SEPTIN9: variants seen among roughly 807,000 people sequenced by gnomAD.
SEPTIN9 encodes the protein septin-9.
Under a neutral mutation model 56.6 loss-of-function variants are expected in SEPTIN9, and 13 were observed. That is an observed-to-expected ratio of 0.23 (90% CI 0.15 to 0.37). SEPTIN9 has a LOEUF of 0.37. SEPTIN9 is among the 10% of genes least tolerant of loss of function. SEPTIN9 has a pLI of 1.00. For missense variants in SEPTIN9, 650 were observed against 823.1 expected (o/e 0.79, Z 2.57); for synonymous variants, 332 against 334.1 (o/e 0.99, Z 0.07).
In SEPTIN9 at chr17:77,310,194, C is replaced by T. The variant is rs2032436324; in HGVS notation, c.76+2997C>T. Among the ~76,000 whole-genome samples the T allele has an allele frequency of 6.6e-6, 1 of 152,158 alleles. No individual in the cohort carries two copies. The highest frequency in any genetic ancestry group is 2.4e-5 in the African/African-American group (1 of 41,440). On this transcript the variant is annotated intron_variant, in intron 2 of 11. Transcript: ENST00000427177. The surrounding 1 kb of genome is among the most constrained non-coding windows in gnomAD (Gnocchi z 4.7). ...ACAGGGTTTCACCATGTTGGTCAGG[C>T]TGGTCTCATACCCCTGACCTCAGGT...
At chr17:77,474,073 T>C (rs1039625072) in intron 3 of SEPTIN9, among the ~76,000 whole-genome samples, 4 of 152,222 alleles carry the variant, frequency 2.6e-5, no homozygotes, top group African/African-American at 9.7e-5. Context: ...CTCCACCCAC[T>C]CACTCATACC....
chr17:77,386,660 T>C (rs1482221515), intron 2 of SEPTIN9, among the ~76,000 whole-genome samples: 1 of 152,200 alleles, frequency 6.6e-6, no homozygotes, highest in African/African-American at 2.4e-5. Context: ...GAGGGGCTAG[T>C]TGTCTGTCCA....
chr17:77,378,918 A>G (rs1233503397), intron 2 of SEPTIN9, among the ~76,000 whole-genome samples: 2 of 151,128 alleles, frequency 1.3e-5, no homozygotes, highest in African/African-American at 2.4e-5. Context: ...CAATGAGGTG[A>G]GCACTTGCTG....
Position 77,317,147 on chromosome 17 carries a change from A to C in SEPTIN9, c.76+9950A>C, listed in dbSNP as rs946124022. Among the ~76,000 whole-genome samples the C allele has an allele frequency of 6.6e-6, 1 of 152,192 alleles. No homozygotes were observed. Among genetic ancestry groups the C allele is most frequent in the African/African-American group, 2.4e-5 (1 of 41,444 alleles). ...CTGTGGCGCTGCATCAGTTTCCTGC[A>C]GCTGCTGTAACGAGTGGCCACAAGC... On this transcript the variant is annotated intron_variant, in intron 2 of 11. Coordinates refer to ENST00000427177, the MANE Select transcript of SEPTIN9 (RefSeq NM_001113491.2). The surrounding 1 kb of genome is among the most constrained non-coding windows in gnomAD (Gnocchi z 4.2).
At chr17:77,286,573 G>C (rs1479549626) in intron 1 of SEPTIN9, 1 of 152,252 alleles carries the variant, frequency 6.6e-6, no homozygotes, top group Non-Finnish European at 1.5e-5. Context: ...GAGGACCCAT[G>C]GAAGGGGACA....
At chr17:77,412,930 G>T (rs927121628) in intron 3 of SEPTIN9, among the ~76,000 whole-genome samples, 1 of 152,062 alleles carries the variant, frequency 6.6e-6, no homozygotes, top group Non-Finnish European at 1.5e-5. Context: ...TTATAGGAAA[G>T]AATTTCACCC....
intron 11 of SEPTIN9, among the ~76,000 whole-genome samples, chr17:77,498,027 G>T (rs1317525083): frequency 6.6e-6 from 1 of 152,076 alleles, no homozygotes; most frequent in South Asian, 2.1e-4. Flanking sequence ...AGCTGCAGAG[G>T]AATGAAAATC....
chr17:77,424,960 C>T (rs1015655647), intron 3 of SEPTIN9, among the ~76,000 whole-genome samples: 44 of 152,204 alleles, frequency 2.9e-4, no homozygotes, highest in Admixed American at 3.3e-4. Context: ...TGAGCTTCTC[C>T]TTGGCCAGTT....
rs1247604659 is a variant in SEPTIN9 at position 77,492,583 on chromosome 17, C to T, written c.1381-38C>T. 4 of 1,587,292 alleles carry T rather than the reference C, an allele frequency of 2.5e-6. No homozygotes were observed. In the Admixed American group the frequency reaches 5.0e-5, roughly 20 times the overall value. ...ACACCAGTGGGTGGGTAGAGCTTGC[C>T]ACAGGGATGGGCCCATCTCTCTCCC... On this transcript the variant is annotated intron_variant, in intron 8 of 11. Transcript: ENST00000427177. This position sits in a 1 kb window ranked among gnomAD's most constrained non-coding sequence, Gnocchi z 5.4.
At chr17:77,355,390 G>A (rs1456261074) in intron 2 of SEPTIN9, among the ~76,000 whole-genome samples, 1 of 152,222 alleles carries the variant, frequency 6.6e-6, no homozygotes, top group East Asian at 1.9e-4. Context: ...GAAGGGCTGT[G>A]CGTGTAGGAT....
intron 2 of SEPTIN9, among the ~76,000 whole-genome samples, chr17:77,309,807 G>A (rs2143607105): frequency 6.6e-6 from 1 of 152,310 alleles, no homozygotes; most frequent in African/African-American, 2.4e-5. Context: ...TAAAACACCT[G>A]TGTACTCACC....
chr17:77,430,404 C>A (rs2037083085), intron 3 of SEPTIN9, among the ~76,000 whole-genome samples: 2 of 152,158 alleles, frequency 1.3e-5, no homozygotes, highest in Admixed American at 1.3e-4. Flanking sequence ...GTGGAGGAAC[C>A]CACTAGGCCG....
At chr17:77,398,821 G>T (rs1488108377) in intron 2 of SEPTIN9, among the ~76,000 whole-genome samples, 4 of 152,150 alleles carry the variant, frequency 2.6e-5, no homozygotes, top group Non-Finnish European at 5.9e-5. Context: ...GGGTGGAACA[G>T]CCCCTGCTGT....
At position 77,500,425 on chromosome 17, in the gene SEPTIN9, C is replaced by T. The variant is rs1408023818; in HGVS notation, c.*1767C>T. 1.8e-5 allele frequency: 4 copies of T among 227,000 alleles called. No homozygotes were observed. The highest frequency in any genetic ancestry group is 3.5e-5 in the Non-Finnish European group (4 of 114,026). 14.1% of individuals were successfully genotyped at this position (227,000 alleles called of 1,614,324 possible). Reference sequence around the variant, plus strand: ...GCAGCAGCATCCCAGCCTTGAGATGCTTCACTTTCCTTCTCTGTAACCAGA... The same window carrying T: ...GCAGCAGCATCCCAGCCTTGAGATGTTTCACTTTCCTTCTCTGTAACCAGA... On this transcript the variant is annotated 3_prime_UTR_variant, in exon 12 of 12. Transcript: ENST00000427177.
At position 77,332,169 on chromosome 17, in the gene SEPTIN9, C is replaced by T. The variant is rs187745043; in HGVS notation, c.76+24972C>T. On this transcript the variant is annotated intron_variant, in intron 2 of 11. Coordinates refer to ENST00000427177, the MANE Select transcript of SEPTIN9 (RefSeq NM_001113491.2). Reference sequence around the variant, plus strand: ...GTGCAGGCTTGGAGTCCCAGCTACTCGGAAGGTTGAGGTGAGAGGATTGCT... The same window carrying T: ...GTGCAGGCTTGGAGTCCCAGCTACTTGGAAGGTTGAGGTGAGAGGATTGCT... Among the ~76,000 whole-genome samples, 1,017 of 152,110 alleles carry T rather than the reference C, an allele frequency of 6.7e-3. 4 individuals carry two copies. The highest frequency in any genetic ancestry group is 0.014 in the Middle Eastern group (4 of 294).
rs1361334140 is a variant in SEPTIN9, at chr17:77,475,732, A to G, written c.722-6412A>G. On this transcript the variant is annotated intron_variant, in intron 3 of 11. Transcript: ENST00000427177. This position sits in a 1 kb window ranked among gnomAD's most constrained non-coding sequence, Gnocchi z 4.6. ...AAGTCTTCGCCGGGGCAAGGGCACC[A>G]GCTGTAGATGCCGGCAGCTTTCTCC... The G allele has an allele frequency of 6.2e-7, 1 of 1,613,330 alleles. No homozygotes were observed. The highest frequency in any genetic ancestry group is 1.3e-5 in the African/African-American group (1 of 75,064).
At chr17:77,431,260 A>G (rs1568064005) in intron 3 of SEPTIN9, among the ~76,000 whole-genome samples, 1 of 151,976 alleles carries the variant, frequency 6.6e-6, no homozygotes, top group Non-Finnish European at 1.5e-5. Flanking sequence ...GTGAGCTATG[A>G]CCACACCACT....
In SEPTIN9 at chr17:77,369,630, G is replaced by A. The variant is rs1315747732; in HGVS notation, c.77-32429G>A. Among the ~76,000 whole-genome samples the A allele has an allele frequency of 6.6e-6, 1 of 152,214 alleles. No individual in the cohort carries two copies. The highest frequency in any genetic ancestry group is 1.5e-5 in the Non-Finnish European group (1 of 68,036). The stretch of plus-strand genomic sequence containing the variant: ...GGCCTACTTTGTGTCAGGCCACGCA[G>A]AGATAAGACCATCTGGGCCCTGCCC... On this transcript the variant is annotated intron_variant, in intron 2 of 11. Transcript: ENST00000427177. The surrounding 1 kb of genome is among the most constrained non-coding windows in gnomAD (Gnocchi z 4.9).
In SEPTIN9 at chr17:77,307,180, G is replaced by A. The variant is rs1237855735; in HGVS notation, c.59G>A (p.Gly20Asp). The change falls in exon 2 of 12, where the codon GGT becomes GAT. Residue 20 changes from glycine (G) to aspartate (D), a missense_variant. Physicochemically the swap from Gly to Asp is moderately conservative, Grantham distance 94. This residue lies in a region of SEPTIN9 where 317 missense variants were observed against 329.1 expected (regional missense o/e 0.96). Transcript: ENST00000427177. ...TCCAGTGGCCGGCTCCGGAGGCTTGGTGACTCCAGTGGCCCAGGTAGGTGG... is the reference window on the plus strand; with the variant it reads ...TCCAGTGGCCGGCTCCGGAGGCTTGATGACTCCAGTGGCCCAGGTAGGTGG... ...RTSSGRLRRL[G>D]DSSGPALKRS... 6.2e-7 allele frequency: 1 copy of A among 1,613,846 alleles called. No homozygotes were observed. The highest frequency in any genetic ancestry group is 1.1e-5 in the South Asian group (1 of 91,084).
Sources: allele counts gnomAD v4.1 joint callset (sites outside exome capture counted in the v4.1 genomes callset), GRCh38; gene constraint gnomAD v4.1.1; regional missense constraint gnomAD v4.1.1; non-coding constraint Gnocchi (gnomAD v3.1); transcripts MANE v1.5; gene names NCBI Gene and HGNC (gene_info 2026-07-23, HGNC 2026-07-21).